The following CEP112 variants were observed in gnomAD, a reference collection of about 807,000 sequenced individuals.
CEP112 encodes the protein centrosomal protein 112.
CEP112 carries 127 observed loss-of-function variants against 153.0 expected under a neutral mutation model. That is an observed-to-expected ratio of 0.83 (90% CI 0.72 to 0.96). CEP112 has a LOEUF of 0.96. Ranked by LOEUF, CEP112 falls within the 40% of genes least tolerant of loss-of-function variation. The pLI, the probability that CEP112 is intolerant of heterozygous loss-of-function variation, is 0.00. For synonymous variants in CEP112, 358 were observed against 374.4 expected, an observed-to-expected ratio of 0.96 and a Z score of 0.51; for missense variants, 1,089 against 1,101.2, an observed-to-expected ratio of 0.99 and a Z score of 0.16.
intron 21 of CEP112, chr17:65,797,057 A>AAAC (rs112453406): frequency 0.034 from 5,056 of 149,642 alleles, 213 homozygotes; most frequent in African/African-American, 0.1. Flanking sequence ...TCTGTCTCAA[A>AAAC]AACAACAACA....
At chr17:65,886,794 C>A (rs1407924956) in intron 20 of CEP112, among the ~76,000 whole-genome samples, 1 of 149,522 alleles carries the variant, frequency 6.7e-6, no homozygotes, top group African/African-American at 2.5e-5. Flanking sequence ...TTAAGACATT[C>A]CTGAGCTCAA....
chr17:65,877,703 T>C (rs906375342), intron 20 of CEP112, among the ~76,000 whole-genome samples: 4 of 152,190 alleles, frequency 2.6e-5, no homozygotes, highest in Non-Finnish European at 5.9e-5. Context: ...AAAAACACTA[T>C]GTAAAACTGC....
intron 21 of CEP112, among the ~76,000 whole-genome samples, chr17:65,784,819 C>T (rs931793003): frequency 4.6e-5 from 7 of 152,112 alleles, no homozygotes; most frequent in Non-Finnish European, 7.3e-5. Flanking sequence ...AGATATAATT[C>T]ACATATCATA....
intron 16 of CEP112, among the ~76,000 whole-genome samples, chr17:66,018,321 T>C (rs1335996926): frequency 1.3e-5 from 2 of 152,154 alleles, no homozygotes; most frequent in African/African-American, 4.8e-5. Context: ...TTTTGCTCCC[T>C]TGCATCCCAA....
At chr17:66,082,542 C>A (rs1341723089) in intron 8 of CEP112, among the ~76,000 whole-genome samples, 1 of 152,112 alleles carries the variant, frequency 6.6e-6, no homozygotes, top group Admixed American at 6.6e-5. Flanking sequence ...AGCAGTGGAT[C>A]ACTTTAGGTC....
chr17:66,118,293 T>C (rs941781170), intron 6 of CEP112, among the ~76,000 whole-genome samples: 1 of 152,168 alleles, frequency 6.6e-6, no homozygotes, highest in African/African-American at 2.4e-5. Context: ...AGCCAAGATA[T>C]GGAATCAATC....
chr17:65,879,924 C>T (rs1352578402), intron 20 of CEP112, among the ~76,000 whole-genome samples: 1 of 146,818 alleles, frequency 6.8e-6, no homozygotes, highest in Non-Finnish European at 1.5e-5. Flanking sequence ...CCAGAAAAGA[C>T]AATAAACAAC....
chr17:65,931,448 A>G (rs1229064744), intron 18 of CEP112, among the ~76,000 whole-genome samples: 1 of 152,252 alleles, frequency 6.6e-6, no homozygotes, highest in African/African-American at 2.4e-5. Context: ...AGTGGGAAAG[A>G]GGTGAACATC....
intron 20 of CEP112, among the ~76,000 whole-genome samples, chr17:65,890,443 T>A (rs965421699): frequency 6.6e-6 from 1 of 152,210 alleles, no homozygotes; most frequent in East Asian, 1.9e-4. Flanking sequence ...TCTACTCTAA[T>A]GGAACCTCTT....
chr17:66,109,507 A>C (rs75704627), intron 6 of CEP112, among the ~76,000 whole-genome samples: 6,493 of 152,228 alleles, frequency 0.043, 173 homozygotes, highest in South Asian at 0.065. Flanking sequence ...ATGAGTAAAA[A>C]TCATCTAGGA....
At chr17:66,103,552 T>C (rs1275233041) in intron 6 of CEP112, among the ~76,000 whole-genome samples, 2 of 152,200 alleles carry the variant, frequency 1.3e-5, no homozygotes, top group African/African-American at 4.8e-5. Context: ...AAAAGTCAAC[T>C]GCGATCAAAG....
chr17:66,027,453 C>T (rs1172062701), intron 16 of CEP112, 48 bp downstream of exon 16: 6 of 1,303,868 alleles, frequency 4.6e-6, no homozygotes, highest in Non-Finnish European at 5.1e-6. Flanking sequence ...TGCATTAATG[C>T]CTCATTTGCT....
At chr17:66,074,581 TTGGCTGGGCATGG>T (rs1286369362) in intron 8 of CEP112, among the ~76,000 whole-genome samples, 1 of 151,900 alleles carries the variant, frequency 6.6e-6, no homozygotes, top group African/African-American at 2.4e-5. Flanking sequence ...AAGAAAAATC[TTGGCTGGGCATGG>T]TGGCTCACAC....
chr17:65,995,807 G>A (rs1318068105), intron 17 of CEP112, among the ~76,000 whole-genome samples: 1 of 152,098 alleles, frequency 6.6e-6, no homozygotes, highest in Non-Finnish European at 1.5e-5. Flanking sequence ...ACTGAATCAT[G>A]GGTACAGATT....
chr17:65,699,884 T>A (rs532015133), intron 23 of CEP112, among the ~76,000 whole-genome samples: 1 of 152,222 alleles, frequency 6.6e-6, no homozygotes, highest in Non-Finnish European at 1.5e-5. Context: ...GATCTGATTT[T>A]GGTTTCTAAC....
At chr17:66,169,291 T>G (rs1382141622) in intron 4 of CEP112, among the ~76,000 whole-genome samples, 3 of 148,096 alleles carry the variant, frequency 2.0e-5, no homozygotes, top group Non-Finnish European at 4.5e-5. Flanking sequence ...TCTTTTTTTT[T>G]TTTTTTTTTT....
rs2059598060 is a variant in CEP112 at position 65,894,629 on chromosome 17, CA to C, written c.2163+7522del. Among the ~76,000 whole-genome samples, 3 of 152,074 alleles carry C rather than the reference CA, an allele frequency of 2.0e-5. No homozygotes were observed. The South Asian group carries it at 6.2e-4, about 32-fold the overall frequency. Reference sequence around the variant, plus strand: ...ATATCCACAGATCATAAACCATTCACAAAAAAACCATACCTTACCACTACTA... The same window carrying C: ...ATATCCACAGATCATAAACCATTCACAAAAAACCATACCTTACCACTACTA... On this transcript the variant is annotated intron_variant, in intron 20 of 26. Coordinates refer to ENST00000535342, the MANE Select transcript of CEP112 (RefSeq NM_001199165.4).
At chr17:65,911,132 C>T (rs1389606172) in intron 19 of CEP112, among the ~76,000 whole-genome samples, 1 of 152,058 alleles carries the variant, frequency 6.6e-6, no homozygotes, top group East Asian at 1.9e-4. Context: ...AACTATAAGC[C>T]CTTCTTGGAA....
intron 18 of CEP112, among the ~76,000 whole-genome samples, chr17:65,954,938 T>C (rs1326608361): frequency 6.6e-6 from 1 of 152,182 alleles, no homozygotes; most frequent in African/African-American, 2.4e-5. Context: ...GGAAAACATA[T>C]TTGAGGGAAT....
Sources: gnomAD v4.1 joint callset for allele counts (sites outside exome capture counted in the v4.1 genomes callset) on GRCh38, gnomAD v4.1.1 for gene constraint, MANE v1.5 for transcripts, NCBI Gene and HGNC (gene_info 2026-07-23, HGNC 2026-07-21) for gene names.